Variants in SUGCT observed in about 807,000 individuals in gnomAD.
SUGCT encodes succinyl-CoA:glutarate-CoA transferase.
In SUGCT, 41 loss-of-function variants were observed where a neutral mutation model predicts 55.0. That is an observed-to-expected ratio of 0.74 (90% CI 0.58 to 0.97). The LOEUF is 0.97. Ranked by LOEUF, SUGCT falls within the 50% of genes least tolerant of loss-of-function variation. The pLI is 0.00. For missense variants in SUGCT, 568 were observed against 547.8 expected (o/e 1.04, Z -0.37); for synonymous variants, 187 against 200.4 (o/e 0.93, Z 0.56).
At chr7:40,650,669 G>A (rs570644113) in intron 12 of SUGCT, among the ~76,000 whole-genome samples, 1 of 152,104 alleles carries the variant, frequency 6.6e-6, no homozygotes, top group Non-Finnish European at 1.5e-5. Flanking sequence ...ATCAAAATTT[G>A]TTGCCTCATA....
chr7:40,693,501 G>A (rs1366826328), intron 12 of SUGCT, among the ~76,000 whole-genome samples: 1 of 152,156 alleles, frequency 6.6e-6, no homozygotes, highest in Non-Finnish European at 1.5e-5. Flanking sequence ...GGCCAGAGAG[G>A]TTAAGTAAGT....
intron 9 of SUGCT, among the ~76,000 whole-genome samples, chr7:40,419,657 C>T (rs1220720403): frequency 6.6e-6 from 1 of 152,106 alleles, no homozygotes; most frequent in Non-Finnish European, 1.5e-5. Flanking sequence ...CTCAGGTCCA[C>T]TGTTGAGGTC....
rs570248035 is a variant in SUGCT at position 40,604,780 on chromosome 7, G to C, written c.1089+108394G>C. ...TTTTCCAAGAAATCATCACACTCCT[G>C]AGTGAAGAGCCTCACCTTTGCCCTC... is the stretch of plus-strand genomic sequence containing the variant. On this transcript the variant is annotated intron_variant, in intron 12 of 13. Coordinates refer to ENST00000335693, the MANE Select transcript of SUGCT (RefSeq NM_001193313.2). Among the ~76,000 whole-genome samples the C allele has an allele frequency of 7.9e-4, 120 of 152,350 alleles. 1 individual carries two copies. Among genetic ancestry groups the C allele is most frequent in the Non-Finnish European group, 1.5e-3 (102 of 68,038 alleles).
rs1345839614 is a variant in SUGCT, at chr7:40,307,757, A to G, written c.721-9003A>G. Among the ~76,000 whole-genome samples, 3 of 152,210 alleles carry G rather than the reference A, an allele frequency of 2.0e-5. No individual in the cohort carries two copies. The East Asian group carries it at 5.8e-4, about 29-fold the overall frequency. On this transcript the variant is annotated intron_variant, in intron 8 of 13. Coordinates refer to ENST00000335693, the MANE Select transcript of SUGCT (RefSeq NM_001193313.2). The stretch of plus-strand genomic sequence containing the variant: ...TTCTCCTTTTAACATGGCATGGACA[A>G]TATACCTTATGTACTCTGGAGTCTT...
chr7:40,671,069 G>A (rs919863102), intron 12 of SUGCT, among the ~76,000 whole-genome samples: 1 of 152,060 alleles, frequency 6.6e-6, no homozygotes, highest in African/African-American at 2.4e-5. Context: ...TTTATTCCAG[G>A]GTGCAAGTTA....
At chr7:40,476,368 A>G (rs1303026524) in intron 11 of SUGCT, among the ~76,000 whole-genome samples, 1 of 152,086 alleles carries the variant, frequency 6.6e-6, no homozygotes, top group Non-Finnish European at 1.5e-5. Flanking sequence ...AAGCCATGAG[A>G]CTGCTTTAAT....
chr7:40,194,213 A>G (rs984122979), intron 5 of SUGCT, among the ~76,000 whole-genome samples: 1 of 152,220 alleles, frequency 6.6e-6, no homozygotes, highest in African/African-American at 2.4e-5. Flanking sequence ...AGTGCATGTT[A>G]TAATGAGGAA....
chr7:40,404,416 T>G lies in SUGCT; in HGVS notation c.817-44871T>G, dbSNP rs75159183. 1.2e-4 allele frequency among the ~76,000 whole-genome samples: 19 copies of G among 152,086 alleles called. 1 individual carries two copies. In the East Asian group the frequency reaches 3.3e-3, roughly 26 times the overall value. ...TGTCTTCCTTGGTCTGAGGAAGACA[T>G]ACTTTCAGAGAAGGATCCACTTGAC... On this transcript the variant is annotated intron_variant, in intron 9 of 13. Transcript: ENST00000335693.
chr7:40,797,903 G>A (rs78803386), intron 13 of SUGCT, among the ~76,000 whole-genome samples: 3,475 of 152,276 alleles, frequency 0.023, 142 homozygotes, highest in African/African-American at 0.079. Flanking sequence ...CACCTTCCCT[G>A]CTTGTCTTGC....
At chr7:40,388,357 T>C (rs1173089402) in intron 9 of SUGCT, among the ~76,000 whole-genome samples, 1 of 152,188 alleles carries the variant, frequency 6.6e-6, no homozygotes. Flanking sequence ...AAATTTTGAC[T>C]TCCTCACCTT....
chr7:40,441,349 G>A (rs1788504030), intron 9 of SUGCT, among the ~76,000 whole-genome samples: 1 of 152,044 alleles, frequency 6.6e-6, no homozygotes, highest in Non-Finnish European at 1.5e-5. Context: ...CTGGGGTAAG[G>A]TTGGCTTTTT....
chr7:40,549,309 G>T (rs1795175007), intron 12 of SUGCT, among the ~76,000 whole-genome samples: 1 of 152,088 alleles, frequency 6.6e-6, no homozygotes, highest in Non-Finnish European at 1.5e-5. Context: ...CTTAGCTAAT[G>T]AATTATGAAT....
At chr7:40,436,783 T>C (rs1788200355) in intron 9 of SUGCT, among the ~76,000 whole-genome samples, 1 of 152,196 alleles carries the variant, frequency 6.6e-6, no homozygotes. Flanking sequence ...TCTAGCATTT[T>C]TTGTGTAGTT....
At chr7:40,866,863 G>A in the SUGCT span, among the ~76,000 whole-genome samples, 1 of 151,908 alleles carries the variant, frequency 6.6e-6, no homozygotes, top group Non-Finnish European at 1.5e-5. Context: ...AGATGACAAC[G>A]ATCCAAACTC....
intron 1 of SUGCT, among the ~76,000 whole-genome samples, chr7:40,149,305 C>T (rs199924258): frequency 1.3e-5 from 2 of 152,176 alleles, no homozygotes; most frequent in South Asian, 4.1e-4. Context: ...TTAACTGACT[C>T]CATCTTGCTT....
chr7:40,468,168 A>T (rs1790222064), intron 11 of SUGCT, among the ~76,000 whole-genome samples: 2 of 152,074 alleles, frequency 1.3e-5, no homozygotes, highest in South Asian at 4.2e-4. Context: ...CTGTGTTAAT[A>T]GCCTCCACGA....
intron 12 of SUGCT, among the ~76,000 whole-genome samples, chr7:40,676,478 A>G (rs1783983409): frequency 6.6e-6 from 1 of 151,320 alleles, no homozygotes; most frequent in African/African-American, 2.4e-5. Flanking sequence ...CACCAAGGAG[A>G]AAAATCCCTT....
chr7:40,592,414 G>A (rs146511352), intron 12 of SUGCT, among the ~76,000 whole-genome samples: 207 of 152,262 alleles, frequency 1.4e-3, no homozygotes, highest in African/African-American at 4.5e-3. Context: ...CATCCTCTCC[G>A]GTTGACTGTC....
At chr7:40,153,505 A>G (rs2150615416) in intron 1 of SUGCT, 1 of 376,430 alleles carries the variant, frequency 2.7e-6, no homozygotes, top group Non-Finnish European at 5.2e-6. Context: ...CGTATCACAC[A>G]TTTTGGACCT....
Sources: gnomAD v4.1 joint callset for allele counts (sites outside exome capture counted in the v4.1 genomes callset) on GRCh38, gnomAD v4.1.1 for gene constraint, MANE v1.5 for transcripts, NCBI Gene and HGNC (gene_info 2026-07-23, HGNC 2026-07-21) for gene names.